The following SIPA1L3 variants were observed in gnomAD, a reference collection of about 807,000 sequenced individuals.
SIPA1L3 encodes signal-induced proliferation-associated 1-like protein 3.
A neutral mutation model predicts 150.1 loss-of-function variants in SIPA1L3; 59 were observed. That is an observed-to-expected ratio of 0.39 (90% CI 0.32 to 0.49). The LOEUF (loss-of-function observed/expected upper bound fraction) is 0.49, where lower values mean the gene tolerates loss of function less well. Ranked by LOEUF, SIPA1L3 falls within the 20% of genes least tolerant of loss-of-function variation. The probability of loss-of-function intolerance (pLI) is 0.86; values close to 1 mark genes in which losing one functional copy is unlikely to be tolerated. For synonymous variants in SIPA1L3, 1,070 were observed against 1,077.6 expected (o/e 0.99, Z 0.14); for missense variants, 2,211 against 2,489.5 (o/e 0.89, Z 2.38).
At chr19:37,979,018 C>T (rs1967137807) in intron 1 of SIPA1L3, among the ~76,000 whole-genome samples, 1 of 151,992 alleles carries the variant, frequency 6.6e-6, no homozygotes, top group African/African-American at 2.4e-5. Flanking sequence ...ACACCCAAAC[C>T]CTTCACAGAA....
At chr19:38,178,093 GTGTGTGTGTGTGTGTGTGT>G (rs1972478787) in intron 15 of SIPA1L3, among the ~76,000 whole-genome samples, 13 of 61,152 alleles carry the variant, frequency 2.1e-4, no homozygotes, top group Non-Finnish European at 4.3e-4. Flanking sequence ...TTTGGTGTGT[GTGTGTGTGTGTGTGTGTGT>G]GTGTGTGTGT....
At chr19:38,198,594 A>G in intron 19 of SIPA1L3, 62 bp downstream of exon 19, 1 of 1,346,214 alleles carries the variant, frequency 7.4e-7, no homozygotes, top group Non-Finnish European at 9.6e-7. Context: ...AGAGGGATTC[A>G]TGGAGGGCCT....
At chr19:38,152,721 A>G (rs938643383) in intron 12 of SIPA1L3, 119 bp from the exon 13 acceptor site, 2 of 1,086,782 alleles carry the variant, frequency 1.8e-6, no homozygotes, top group African/African-American at 3.2e-5. Context: ...TCTCTCATCC[A>G]CAGCGGAGCC....
intron 1 of SIPA1L3, among the ~76,000 whole-genome samples, chr19:38,023,983 G>A (rs751032430): frequency 1.3e-5 from 2 of 152,160 alleles, no homozygotes; most frequent in Non-Finnish European, 2.9e-5. Context: ...ATCTCTGGCC[G>A]GTTAGATTGG....
intron 15 of SIPA1L3, among the ~76,000 whole-genome samples, chr19:38,182,135 T>G (rs1385362621): frequency 2.5e-5 from 1 of 40,486 alleles, no homozygotes; most frequent in African/African-American, 2.0e-4. Flanking sequence ...AGACCCTGTC[T>G]CAAAAAAAAA....
At chr19:38,102,922 C>T (rs1415719515) in intron 6 of SIPA1L3, among the ~76,000 whole-genome samples, 11 of 152,104 alleles carry the variant, frequency 7.2e-5, no homozygotes, top group Middle Eastern at 3.4e-3. Flanking sequence ...GTCAGGAGTT[C>T]GAGACCAGCC....
rs1973228730 is a variant in SIPA1L3, at chr19:38,206,837, AG to A, written c.*599del. 2.6e-5 allele frequency: 4 copies of A among 153,040 alleles called. No homozygotes were observed. Among genetic ancestry groups the A allele is most frequent in the African/African-American group, 9.6e-5 (4 of 41,578 alleles). The allele number at this position is 153,040 out of a possible 1,614,324, so 9.5% of individuals were successfully genotyped here. A position where few individuals can be genotyped will look rare whatever the true frequency, so the allele number is the denominator to read the frequency against. On this transcript the variant is annotated 3_prime_UTR_variant, in exon 22 of 22. Transcript: ENST00000222345. ...AACCCCCTCCTCCCAAAAAGCAGCC[AG>A]GAGCACTTTCTTAGAGTTTAAATTA...
intron 6 of SIPA1L3, among the ~76,000 whole-genome samples, chr19:38,102,328 A>T (rs1386147990): frequency 1.3e-5 from 2 of 151,402 alleles, no homozygotes; most frequent in Non-Finnish European, 2.9e-5. Context: ...TACAGGCGTG[A>T]GCCACCACAC....
intron 9 of SIPA1L3, among the ~76,000 whole-genome samples, chr19:38,126,279 A>G (rs1379256291): frequency 6.6e-6 from 1 of 152,172 alleles, no homozygotes; most frequent in Non-Finnish European, 1.5e-5. Flanking sequence ...AGGAGAACCT[A>G]TCAGATGGTG....
At chr19:38,006,566 C>T (rs780547571) in intron 1 of SIPA1L3, among the ~76,000 whole-genome samples, 21 of 152,122 alleles carry the variant, frequency 1.4e-4, no homozygotes, top group Non-Finnish European at 2.6e-4. Context: ...TGACTCTGGG[C>T]GTAATAAGAG....
In SIPA1L3 at chr19:37,913,722, TA is replaced by T. The variant is rs954421275; in HGVS notation, c.-379+6372del. ...TTTCTTTCTTTTTTTTTTTTTTAAT[TA>T]AAAAAAATCCTGGCTGGGCACAGCG... is the stretch of plus-strand genomic sequence containing the variant. On this transcript the variant is annotated intron_variant, in intron 1 of 21. Transcript: ENST00000222345. Among the ~76,000 whole-genome samples, 813 of 148,526 alleles carry T rather than the reference TA, an allele frequency of 5.5e-3. 9 individuals are homozygous for T. The highest frequency in any genetic ancestry group is 0.019 in the African/African-American group (787 of 40,714).
At chr19:38,178,722 C>T (rs1266593791) in intron 15 of SIPA1L3, among the ~76,000 whole-genome samples, 2 of 152,104 alleles carry the variant, frequency 1.3e-5, no homozygotes, top group African/African-American at 2.4e-5. Flanking sequence ...ATGATCTGCC[C>T]GTCTTGGCCT....
chr19:38,126,904 C>T (rs1393715147), intron 9 of SIPA1L3, among the ~76,000 whole-genome samples: 1 of 152,144 alleles, frequency 6.6e-6, no homozygotes, highest in African/African-American at 2.4e-5. Context: ...ATAAGAACCC[C>T]AGTCTTGGCC....
chr19:38,096,604 C>T (rs1970385122), intron 4 of SIPA1L3, among the ~76,000 whole-genome samples: 2 of 152,044 alleles, frequency 1.3e-5, no homozygotes, highest in Admixed American at 1.3e-4. Flanking sequence ...TTGTAACAAG[C>T]CCCCTGGAGA....
At chr19:37,942,799 T>C (rs1399778098) in intron 1 of SIPA1L3, among the ~76,000 whole-genome samples, 1 of 151,930 alleles carries the variant, frequency 6.6e-6, no homozygotes, top group East Asian at 1.9e-4. Flanking sequence ...GGTTGAAAGG[T>C]TTACCAGCGG....
intron 9 of SIPA1L3, among the ~76,000 whole-genome samples, chr19:38,123,981 C>G (rs1453398256): frequency 1.4e-5 from 2 of 146,874 alleles, no homozygotes; most frequent in Admixed American, 6.7e-5. Flanking sequence ...GCCAACCCCC[C>G]CCCACCTCCC....
At chr19:38,180,835 G>A (rs895402955) in intron 15 of SIPA1L3, among the ~76,000 whole-genome samples, 26 of 152,250 alleles carry the variant, frequency 1.7e-4, no homozygotes, top group African/African-American at 5.1e-4. Context: ...GTGAGCCACC[G>A]CGCCCGGCCA....
chr19:38,075,733 T>C (rs1347707842), intron 2 of SIPA1L3, among the ~76,000 whole-genome samples: 1 of 151,696 alleles, frequency 6.6e-6, no homozygotes, highest in East Asian at 1.9e-4. Flanking sequence ...TGAGCCGAGA[T>C]TGTGCCACTG....
intron 19 of SIPA1L3, chr19:38,199,758 T>G (rs1035324277): frequency 3.9e-5 from 6 of 152,094 alleles, no homozygotes; most frequent in African/African-American, 1.4e-4. Context: ...TGAAGATATA[T>G]GTGGGTTTTC....
Sources: gnomAD v4.1 joint callset for allele counts (sites outside exome capture counted in the v4.1 genomes callset) on GRCh38, gnomAD v4.1.1 for gene constraint, MANE v1.5 for transcripts, NCBI Gene and HGNC (gene_info 2026-07-23, HGNC 2026-07-21) for gene names.